The following BRWD1 variants were observed in gnomAD, a reference collection of about 807,000 sequenced individuals.
The protein encoded by BRWD1 is bromodomain and WD repeat-containing protein 1.
A neutral mutation model predicts 251.2 loss-of-function variants in BRWD1; 82 were observed. That is an observed-to-expected ratio of 0.33 (90% CI 0.27 to 0.39). The LOEUF (loss-of-function observed/expected upper bound fraction) is 0.39, where lower values mean the gene tolerates loss of function less well. BRWD1 is among the 10% of genes least tolerant of loss of function. The pLI is 1.00. For missense variants in BRWD1, 2,233 were observed against 2,711.6 expected (o/e 0.82, Z 3.92); for synonymous variants, 918 against 902.8 (o/e 1.02, Z -0.30).
chr21:39,305,541 C>G (rs1327841053), intron 4 of BRWD1, among the ~76,000 whole-genome samples: 2 of 152,020 alleles, frequency 1.3e-5, no homozygotes, highest in East Asian at 3.9e-4. Flanking sequence ...CCAGCCTGAC[C>G]ATTATGGTGA....
chr21:39,198,447 C>T (rs2031932450), intron 40 of BRWD1, among the ~76,000 whole-genome samples: 2 of 152,310 alleles, frequency 1.3e-5, no homozygotes, highest in East Asian at 3.9e-4. Flanking sequence ...GTGCCCCTCT[C>T]TGCTTTATTC....
intron 29 of BRWD1, among the ~76,000 whole-genome samples, chr21:39,221,506 G>T (rs1199014582): frequency 1.3e-5 from 2 of 151,704 alleles, no homozygotes; most frequent in Admixed American, 1.3e-4. Flanking sequence ...TTATCCTAAT[G>T]AAACAGTAAA....
rs372711760 is a variant in BRWD1 at position 39,212,725 on chromosome 21, G to C, written c.3859-18C>G. On this transcript the variant is annotated intron_variant, in intron 33 of 40. Transcript: ENST00000342449. ...CTATCATCCTAGGAATAAAATCAGA[G>C]CACCTTAAGTATTTAGAGTCTCATT... The C allele has an allele frequency of 9.8e-6, 15 of 1,531,278 alleles. No homozygotes were observed. The highest frequency in any genetic ancestry group is 1.8e-5 in the Admixed American group (1 of 55,940). 94.9% of individuals were successfully genotyped at this position (1,531,278 alleles called of 1,614,324 possible).
In BRWD1 at chr21:39,270,362, C is replaced by T; in HGVS notation, c.1316G>A (p.Ser439Asn). The T allele has an allele frequency of 6.2e-7, 1 of 1,612,602 alleles. No individual in the cohort carries two copies. Among genetic ancestry groups the T allele is most frequent in the Non-Finnish European group, 8.5e-7 (1 of 1,179,138 alleles). ...ATCATTCACAGCTGTGACAACAATG[C>T]TATCATTTTGATTCCAAGCTATCAT... ...VTMIAWNQND[S>N]IVVTAVNDHV... Residue 439 changes from serine (S) to asparagine (N), a missense_variant, in exon 14 of 41, where the codon AGC (serine) becomes AAC (asparagine). By Grantham distance (46) the Ser-to-Asn change is conservative. Around this residue, in one of 12 missense-constraint regions of BRWD1, gnomAD observed 315 missense variants for 421.8 expected, o/e 0.75. Coordinates refer to ENST00000342449, the MANE Select transcript of BRWD1 (RefSeq NM_033656.4).
At chr21:39,269,828 CT>C in intron 15 of BRWD1, 70 bp downstream of exon 15, 1 of 1,292,368 alleles carries the variant, frequency 7.7e-7, no homozygotes, top group Non-Finnish European at 1.0e-6. Context: ...CAATTTCTGG[CT>C]AAGCCGCATA....
intron 8 of BRWD1, among the ~76,000 whole-genome samples, chr21:39,285,064 A>G (rs1350799262): frequency 6.6e-6 from 1 of 152,240 alleles, no homozygotes; most frequent in Non-Finnish European, 1.5e-5. Context: ...CAAGACATGA[A>G]TCAACCTAAA....
rs1245466773 is a variant in BRWD1 at position 39,218,770 on chromosome 21, T to A, written c.3383-110A>T. 1.2e-5 allele frequency: 10 copies of A among 852,634 alleles called. No individual in the cohort carries two copies. In the East Asian group the frequency reaches 2.7e-4, roughly 23 times the overall value. 52.8% of individuals were successfully genotyped at this position (852,634 alleles called of 1,614,324 possible). On this transcript the variant is annotated intron_variant, in intron 29 of 40. Transcript: ENST00000342449. ...TTATAAAACTAGGTTATCTCCACAGTCAAAAATAGAGTTCAAATGTGCAAC... is the reference window on the plus strand; with the variant it reads ...TTATAAAACTAGGTTATCTCCACAGACAAAAATAGAGTTCAAATGTGCAAC...
At chr21:39,314,095 G>A (rs2036633314), upstream of BRWD1, 1 of 456,030 alleles carries the variant, frequency 2.2e-6, no homozygotes, top group African/African-American at 2.0e-5. Flanking sequence ...TTCACGGACC[G>A]GTCGTCTGGG....
At chr21:39,285,867 TCAA>T (rs1452624641) in intron 8 of BRWD1, among the ~76,000 whole-genome samples, 34 of 26,248 alleles carry the variant, frequency 1.3e-3, no homozygotes, top group African/African-American at 5.3e-3. Flanking sequence ...TTGAGCCCAG[TCAA>T]CAAAAAAAAA....
chr21:39,185,117 CAA>C (rs1838593227), downstream of BRWD1: 1 of 151,858 alleles, frequency 6.6e-6, no homozygotes, highest in Admixed American at 6.6e-5. Context: ...CATGCAGTTA[CAA>C]TAAGTTTAGG....
At chr21:39,216,759 T>C (rs1262461952) in intron 31 of BRWD1, 6 of 397,174 alleles carry the variant, frequency 1.5e-5, no homozygotes, top group Non-Finnish European at 2.9e-5. Flanking sequence ...AGAGACCACC[T>C]GTTCAGACCA....
intron 5 of BRWD1, 198 bp from the exon 6 acceptor site, chr21:39,296,561 A>G (rs568321948): frequency 2.8e-4 from 339 of 1,216,960 alleles, no homozygotes; most frequent in Non-Finnish European, 3.2e-4. Context: ...TACAGCAGCA[A>G]CAACAACTAA....
upstream of BRWD1, among the ~76,000 whole-genome samples, chr21:39,316,864 G>C (rs1206298087): frequency 1.3e-5 from 2 of 151,698 alleles, no homozygotes; most frequent in Non-Finnish European, 2.9e-5. Flanking sequence ...CTAGAGCCGG[G>C]GGGGATTGAC....
In BRWD1 at chr21:39,193,751, C is replaced by G; in HGVS notation, c.*2508G>C. 1.0e-6 allele frequency: 1 copy of G among 985,468 alleles called. No homozygotes were observed. The highest frequency in any genetic ancestry group is 1.2e-6 in the Non-Finnish European group (1 of 829,698). The allele number at this position is 985,468 out of a possible 1,614,324, so 61.0% of individuals were successfully genotyped here. ...CAAACTGACCCTAAACATTAAAGTACACCTGTGCATTAAATCCCTGGGCAT... is the reference window on the plus strand; with the variant it reads ...CAAACTGACCCTAAACATTAAAGTAGACCTGTGCATTAAATCCCTGGGCAT... On this transcript the variant is annotated 3_prime_UTR_variant, in exon 41 of 41. Coordinates refer to ENST00000342449, the MANE Select transcript of BRWD1 (RefSeq NM_033656.4).
chr21:39,272,979 G>T (rs954237444), intron 13 of BRWD1, among the ~76,000 whole-genome samples: 2 of 152,100 alleles, frequency 1.3e-5, no homozygotes, highest in African/African-American at 4.8e-5. Context: ...GCCAATATTA[G>T]AACACTAAAA....
chr21:39,219,650 T>A (rs750516053), intron 29 of BRWD1: 2 of 152,128 alleles, frequency 1.3e-5, no homozygotes, highest in Admixed American at 6.5e-5. Context: ...TAGAAACATA[T>A]CCATTAAGAT....
At position 39,200,286 on chromosome 21, in the gene BRWD1, TGAG is replaced by T; in HGVS notation, c.4683_4685del (p.Ser1562del). The T allele has an allele frequency of 1.2e-6, 2 of 1,614,164 alleles. No homozygotes were observed. ...TGCTGCTTCTGGATAGCCCACTGCG[TGAG>T]GAGGATTCACGAGCTCTGGAACTCT... On this transcript the variant is annotated inframe_deletion, in exon 39 of 41. Coordinates refer to ENST00000342449, the MANE Select transcript of BRWD1 (RefSeq NM_033656.4).
chr21:39,255,539 A>T, intron 19 of BRWD1, 106 bp downstream of exon 19: 2 of 925,754 alleles, frequency 2.2e-6, no homozygotes, highest in South Asian at 1.8e-5. Context: ...TTACTAATAT[A>T]TTTATACAAT....
intron 8 of BRWD1, among the ~76,000 whole-genome samples, chr21:39,291,270 G>A (rs1268522221): frequency 6.6e-6 from 1 of 152,078 alleles, no homozygotes; most frequent in African/African-American, 2.4e-5. Context: ...ACACAGCCTA[G>A]GTGAATGTGC....
Sources: allele counts gnomAD v4.1 joint callset (sites outside exome capture counted in the v4.1 genomes callset), GRCh38; gene constraint gnomAD v4.1.1; regional missense constraint gnomAD v4.1.1; transcripts MANE v1.5; gene names NCBI Gene and HGNC (gene_info 2026-07-23, HGNC 2026-07-21).